The following SEMA3E variants were observed in gnomAD, a reference collection of about 807,000 sequenced individuals.
The protein encoded by SEMA3E is semaphorin 3E.
A neutral mutation model predicts 93.6 loss-of-function variants in SEMA3E; 49 were observed. That is an observed-to-expected ratio of 0.52 (90% CI 0.42 to 0.66). The LOEUF (loss-of-function observed/expected upper bound fraction) is 0.66, where lower values mean the gene tolerates loss of function less well. SEMA3E is among the 30% of genes least tolerant of loss of function. The pLI is 0.00. For synonymous variants in SEMA3E, 363 were observed against 330.7 expected (o/e 1.10, Z -1.06); for missense variants, 906 against 964.8 (o/e 0.94, Z 0.81).
At chr7:83,552,939 T>C (rs1791796556) in intron 1 of SEMA3E, among the ~76,000 whole-genome samples, 1 of 147,028 alleles carries the variant, frequency 6.8e-6, no homozygotes, top group African/African-American at 2.7e-5. Context: ...AGTTCTGCTT[T>C]TGCCCTTTGT....
rs915091239 is a variant in SEMA3E, at chr7:83,474,997, T to TTA, written c.277-5697_277-5696dup. On this transcript the variant is annotated intron_variant, in intron 2 of 16. Coordinates refer to ENST00000643230, the MANE Select transcript of SEMA3E (RefSeq NM_012431.3). The stretch of plus-strand genomic sequence containing the variant: ...CTATACAAATATGTATACATATTTA[T>TTA]TATATATATATAATAAAATACAAAT... Among the ~76,000 whole-genome samples, 30 of 150,666 alleles carry TTA rather than the reference T, an allele frequency of 2.0e-4. No individual in the cohort carries two copies. The Middle Eastern group carries it at 0.014, about 72-fold the overall frequency.
chr7:83,469,522 G>C (rs1302597894), intron 2 of SEMA3E, among the ~76,000 whole-genome samples: 1 of 146,530 alleles, frequency 6.8e-6, no homozygotes, highest in Non-Finnish European at 1.5e-5. Context: ...TTTTTTTCTT[G>C]AATATTTTTG....
chr7:83,406,087 G>T, intron 7 of SEMA3E, 28 bp from the exon 8 acceptor site: 3 of 1,459,446 alleles, frequency 2.1e-6, no homozygotes, highest in Non-Finnish European at 2.9e-6. Flanking sequence ...GAGGTAAATA[G>T]TTACCTAAAG....
chr7:83,627,726 G>T (rs566044474), intron 1 of SEMA3E, among the ~76,000 whole-genome samples: 1 of 145,050 alleles, frequency 6.9e-6, no homozygotes, highest in African/African-American at 2.5e-5. Context: ...ATGTGAGATA[G>T]GTCTCCTGAA....
chr7:83,396,779 G>C (rs1334136039), intron 11 of SEMA3E, 50 bp from the exon 12 acceptor site: 1 of 1,311,964 alleles, frequency 7.6e-7, no homozygotes. Flanking sequence ...TCACAGTACG[G>C]TTTTCAAAAA....
At chr7:83,636,870 T>A (rs1016833759) in intron 1 of SEMA3E, among the ~76,000 whole-genome samples, 1 of 152,144 alleles carries the variant, frequency 6.6e-6, no homozygotes, top group African/African-American at 2.4e-5. Flanking sequence ...TGTTCAAGAC[T>A]GAGCTTTGGG....
At chr7:83,478,205 G>A (rs147285861) in intron 2 of SEMA3E, among the ~76,000 whole-genome samples, 1,751 of 152,212 alleles carry the variant, frequency 0.012, 31 homozygotes, top group African/African-American at 0.04. Context: ...TTACAGGCGT[G>A]AGCCACCGTG....
intron 1 of SEMA3E, among the ~76,000 whole-genome samples, chr7:83,559,097 A>G (rs892725703): frequency 2.6e-5 from 4 of 152,096 alleles, no homozygotes; most frequent in African/African-American, 9.6e-5. Flanking sequence ...GACTGGATCA[A>G]TTTTGATGTA....
At chr7:83,396,558 T>A in intron 12 of SEMA3E, 80 bp downstream of exon 12, 6 of 833,392 alleles carry the variant, frequency 7.2e-6, no homozygotes, top group South Asian at 5.7e-5. Context: ...GAAAAAAAAA[T>A]GGACATAGTA....
intron 1 of SEMA3E, among the ~76,000 whole-genome samples, chr7:83,545,748 T>G (rs568162375): frequency 6.7e-5 from 10 of 148,872 alleles, no homozygotes; most frequent in Admixed American, 2.0e-4. Context: ...TGTATATGTA[T>G]GTGTGTGTGT....
chr7:83,566,949 A>G (rs1393732480), intron 1 of SEMA3E, among the ~76,000 whole-genome samples: 1 of 152,212 alleles, frequency 6.6e-6, no homozygotes, highest in Non-Finnish European at 1.5e-5. Flanking sequence ...TTTAATGTAA[A>G]CATACAAGTT....
At chr7:83,549,258 C>T (rs901245680) in intron 1 of SEMA3E, among the ~76,000 whole-genome samples, 4 of 152,098 alleles carry the variant, frequency 2.6e-5, no homozygotes, top group Admixed American at 2.6e-4. Context: ...TTTAACGTCT[C>T]AACAAACTAG....
chr7:83,452,319 C>G (rs571924840), intron 4 of SEMA3E, among the ~76,000 whole-genome samples: 4 of 152,102 alleles, frequency 2.6e-5, no homozygotes, highest in African/African-American at 9.6e-5. Context: ...TATATTTGTT[C>G]AAGTGGGGGA....
chr7:83,544,020 T>C (rs1479015931), intron 1 of SEMA3E, among the ~76,000 whole-genome samples: 1 of 152,068 alleles, frequency 6.6e-6, no homozygotes, highest in Non-Finnish European at 1.5e-5. Context: ...CTCTTTTCTC[T>C]TTCACAGAGC....
chr7:83,439,357 T>C (rs958234422), intron 4 of SEMA3E, among the ~76,000 whole-genome samples: 3 of 152,222 alleles, frequency 2.0e-5, no homozygotes, highest in African/African-American at 4.8e-5. Flanking sequence ...CGATTTGTTA[T>C]TCAGCCCAGG....
At chr7:83,499,853 A>G (rs1790562335) in intron 1 of SEMA3E, among the ~76,000 whole-genome samples, 4 of 152,146 alleles carry the variant, frequency 2.6e-5, no homozygotes, top group Admixed American at 2.0e-4. Flanking sequence ...ATGCACACAC[A>G]CACAATGTTA....
At chr7:83,579,136 T>G (rs1017711248) in intron 1 of SEMA3E, among the ~76,000 whole-genome samples, 2 of 152,156 alleles carry the variant, frequency 1.3e-5, no homozygotes, top group Admixed American at 1.3e-4. Context: ...TGAGTAGTTA[T>G]GTTAGGTTTC....
intron 1 of SEMA3E, among the ~76,000 whole-genome samples, chr7:83,529,521 T>G (rs1791239062): frequency 6.6e-6 from 1 of 152,112 alleles, no homozygotes; most frequent in Non-Finnish European, 1.5e-5. Context: ...TCCAAAAAAT[T>G]TACAAACATT....
intron 1 of SEMA3E, among the ~76,000 whole-genome samples, chr7:83,578,064 A>G (rs1156371061): frequency 6.6e-6 from 1 of 152,078 alleles, no homozygotes; most frequent in Non-Finnish European, 1.5e-5. Flanking sequence ...GTAAGAAAAA[A>G]TATTACCTTA....
Sources: allele counts gnomAD v4.1 joint callset (sites outside exome capture counted in the v4.1 genomes callset), GRCh38; gene constraint gnomAD v4.1.1; transcripts MANE v1.5; gene names NCBI Gene and HGNC (gene_info 2026-07-23, HGNC 2026-07-21).